Variants in CLEC2D observed in about 807,000 individuals in gnomAD.
The protein encoded by CLEC2D is C-type lectin related f.
In CLEC2D, 16 loss-of-function variants were observed where a neutral mutation model predicts 20.0. That is an observed-to-expected ratio of 0.80 (90% CI 0.54 to 1.22). The LOEUF is 1.22. CLEC2D is among the 50% of genes most tolerant of loss of function. The pLI, the probability that CLEC2D is intolerant of heterozygous loss-of-function variation, is 0.00. For missense variants in CLEC2D, 207 were observed against 221.5 expected, an observed-to-expected ratio of 0.93 and a Z score of 0.42; for synonymous variants, 77 against 71.1, an observed-to-expected ratio of 1.08 and a Z score of -0.42.
At chr12:9,693,320 A>G (rs777701407) in intron 4 of CLEC2D, 44 of 435,036 alleles carry the variant, frequency 1.0e-4, no homozygotes, top group African/African-American at 8.2e-4. Context: ...AGTGACAGCA[A>G]TTATACCTAT....
rs988847101 is a variant in CLEC2D, at chr12:9,699,336, A to G, written c.*4462A>G. Reference sequence around the variant, plus strand: ...TATTTTTTAACTTTTAATTATTCTTAATGGAAAGACACTTCTGTATACACT... The same window carrying G: ...TATTTTTTAACTTTTAATTATTCTTGATGGAAAGACACTTCTGTATACACT... On this transcript the variant is annotated 3_prime_UTR_variant, in exon 5 of 5. Coordinates refer to ENST00000290855, the MANE Select transcript of CLEC2D (RefSeq NM_013269.6). The G allele has an allele frequency of 9.9e-5, 15 of 152,144 alleles. No homozygotes were observed. The highest frequency in any genetic ancestry group is 3.4e-4 in the African/African-American group (14 of 41,400). The allele number at this position is 152,144 out of a possible 1,614,324, so 9.4% of individuals were successfully genotyped here. A position where few individuals can be genotyped will look rare whatever the true frequency, so the allele number is the denominator to read the frequency against.
At chr12:9,691,037 A>G (rs151216148) in intron 3 of CLEC2D, among the ~76,000 whole-genome samples, 397 of 152,244 alleles carry the variant, frequency 2.6e-3, no homozygotes, top group African/African-American at 9.3e-3. Flanking sequence ...CTTGCCTTAG[A>G]TATAAGGACA....
chr12:9,674,120 TC>T (rs1370567953), intron 1 of CLEC2D: 2 of 152,292 alleles, frequency 1.3e-5, no homozygotes, highest in Non-Finnish European at 2.9e-5. Flanking sequence ...TCACTGGAGT[TC>T]CAGGCACCAC....
rs1059858 is a variant in CLEC2D, at chr12:9,698,090, A to C, written c.*3216A>C. 21 of 152,300 alleles carry C rather than the reference A, an allele frequency of 1.4e-4. No individual in the cohort carries two copies. Among genetic ancestry groups the C allele is most frequent in the African/African-American group, 4.3e-4 (18 of 41,564 alleles). The allele number at this position is 152,300 out of a possible 1,614,324, so 9.4% of individuals were successfully genotyped here. ...CAGTTGCTATTTGCATTTTTAAAGG[A>C]TATTTTTATTTTTTAAATTTTTAGC... On this transcript the variant is annotated 3_prime_UTR_variant, in exon 5 of 5. Transcript: ENST00000290855.
intron 3 of CLEC2D, 59 bp downstream of exon 3, chr12:9,688,145 G>A (rs1212652558): frequency 7.8e-7 from 1 of 1,286,670 alleles, no homozygotes; most frequent in Non-Finnish European, 1.0e-6. Flanking sequence ...ATGTTTTCCT[G>A]TGAAATTATC....
At position 9,697,055 on chromosome 12, in the gene CLEC2D, AAAAT is replaced by A. The variant is rs1866013506; in HGVS notation, c.*2183_*2186del. Reference sequence around the variant, plus strand: ...TACATACATATATATATATATATAAAAAATAGAATATTATTCAGCCTTGTAAAAA... The same window carrying A: ...TACATACATATATATATATATATAAAAGAATATTATTCAGCCTTGTAAAAA... On this transcript the variant is annotated 3_prime_UTR_variant, in exon 5 of 5. Transcript: ENST00000290855. The A allele has an allele frequency of 6.8e-6, 1 of 146,230 alleles. No homozygotes were observed. Among genetic ancestry groups the A allele is most frequent in the East Asian group, 2.0e-4 (1 of 5,088 alleles). 9.1% of individuals were successfully genotyped at this position (146,230 alleles called of 1,614,324 possible). A position where few individuals can be genotyped will look rare whatever the true frequency, so the allele number is the denominator to read the frequency against.
intron 1 of CLEC2D, among the ~76,000 whole-genome samples, chr12:9,677,087 A>T (rs979151347): frequency 2.0e-5 from 3 of 151,602 alleles, no homozygotes; most frequent in African/African-American, 7.3e-5. Flanking sequence ...TGGTTTTGAT[A>T]ACTTTTTTCT....
chr12:9,688,570 T>G (rs1363765135), intron 3 of CLEC2D, among the ~76,000 whole-genome samples: 2 of 152,126 alleles, frequency 1.3e-5, no homozygotes, highest in East Asian at 3.9e-4. Context: ...AATACAAAAA[T>G]TAGCTGGGCA....
In CLEC2D at chr12:9,692,856, C is replaced by T; in HGVS notation, c.386C>T (p.Ser129Phe). The T allele has an allele frequency of 6.2e-7, 1 of 1,612,930 alleles. No individual in the cohort carries two copies. Among genetic ancestry groups the T allele is most frequent in the Non-Finnish European group, 8.5e-7 (1 of 1,179,272 alleles). Residue 129 changes from serine (S) to phenylalanine (F), a missense_variant, in exon 4 of 5, where the codon TCT becomes TTT. Physicochemically the swap from Ser to Phe is radical, Grantham distance 155. Transcript: ENST00000290855. ...LNFLLRYKGP[S>F]DHWIGLSREQ... The stretch of plus-strand genomic sequence containing the variant: ...TTCCTGTTGAGATATAAAGGCCCAT[C>T]TGATCACTGGATTGGGCTGAGCAGA...
intron 2 of CLEC2D, among the ~76,000 whole-genome samples, chr12:9,683,430 A>G (rs1156386687): frequency 6.8e-6 from 1 of 147,516 alleles, no homozygotes; most frequent in East Asian, 2.0e-4. Context: ...TGGTGTTTTA[A>G]TCATAAAACC....
At position 9,687,952 on chromosome 12, in the gene CLEC2D, T is replaced by C. The variant is rs775938557; in HGVS notation, c.223T>C (p.Cys75Arg). 5.0e-6 allele frequency: 8 copies of C among 1,611,378 alleles called. No individual in the cohort carries two copies. The African/African-American group carries it at 8.0e-5, about 16-fold the overall frequency. Residue 75 changes from cysteine to arginine, a missense_variant, in exon 3 of 5, where the codon TGC becomes CGC. Coordinates refer to ENST00000290855, the MANE Select transcript of CLEC2D (RefSeq NM_013269.6). ...QEPSVCLQAA[C>R]PESWIGFQRK... ...GCCATCAGTATGTCTTCAAGCTGCA[T>C]GCCCAGAAAGCTGGATTGGTTTTCA...
rs1394982164 is a variant in CLEC2D at position 9,697,021 on chromosome 12, T to C, written c.*2147T>C. 2 of 115,554 alleles carry C rather than the reference T, an allele frequency of 1.7e-5. No individual in the cohort carries two copies. The highest frequency in any genetic ancestry group is 3.4e-5 in the Non-Finnish European group (2 of 58,084). 7.2% of individuals were successfully genotyped at this position (115,554 alleles called of 1,614,324 possible). On this transcript the variant is annotated 3_prime_UTR_variant, in exon 5 of 5. Transcript: ENST00000290855. ...TTGTCATATATATAAAACACACACA[T>C]TATATACATACATACATATATATAT...
At chr12:9,670,889 T>C (rs1401703457) in intron 1 of CLEC2D, among the ~76,000 whole-genome samples, 2 of 152,138 alleles carry the variant, frequency 1.3e-5, no homozygotes, top group African/African-American at 4.8e-5. Context: ...CTTAGCATCT[T>C]TAGTGTGCCA....
intron 2 of CLEC2D, among the ~76,000 whole-genome samples, chr12:9,681,636 A>G (rs1865637294): frequency 6.6e-6 from 1 of 152,184 alleles, no homozygotes; most frequent in Admixed American, 6.5e-5. Context: ...AGACATAGAA[A>G]ACTACAAAAG....
In CLEC2D at chr12:9,697,453, TAATA is replaced by T. The variant is rs1389375439; in HGVS notation, c.*2584_*2587del. 2 of 152,184 alleles carry T rather than the reference TAATA, an allele frequency of 1.3e-5. No homozygotes were observed. Among genetic ancestry groups the T allele is most frequent in the Non-Finnish European group, 2.9e-5 (2 of 68,042 alleles). 9.4% of individuals were successfully genotyped at this position (152,184 alleles called of 1,614,324 possible). ...ACAATGCTAATGACTGGCTTGCTGT[TAATA>T]AATACATGGGTAAATCTCTGTTCTG... On this transcript the variant is annotated 3_prime_UTR_variant, in exon 5 of 5. Transcript: ENST00000290855.
At chr12:9,671,060 T>A (rs1865409860) in intron 1 of CLEC2D, among the ~76,000 whole-genome samples, 1 of 152,132 alleles carries the variant, frequency 6.6e-6, no homozygotes, top group Admixed American at 6.5e-5. Context: ...CAGCTAGAAA[T>A]GCGGGCCTCC....
Position 9,696,246 on chromosome 12 carries a change from C to A in CLEC2D, c.*1372C>A, listed in dbSNP as rs1865991706. ...AGTCTCTTTAAGAAAATAGTTTAAA[C>A]AATTTGTTAAAAATTTTCCATCTTA... On this transcript the variant is annotated 3_prime_UTR_variant, in exon 5 of 5. Transcript: ENST00000290855. 6 of 803,532 alleles carry A rather than the reference C, an allele frequency of 7.5e-6. No homozygotes were observed. Among genetic ancestry groups the A allele is most frequent in the East Asian group, 4.9e-5 (2 of 40,898 alleles). 49.8% of individuals were successfully genotyped at this position (803,532 alleles called of 1,614,324 possible). A position where few individuals can be genotyped will look rare whatever the true frequency, so the allele number is the denominator to read the frequency against.
chr12:9,680,224 C>G (rs1029367978), intron 1 of CLEC2D: 1 of 348,880 alleles, frequency 2.9e-6, no homozygotes. Context: ...TGAAGAAGAA[C>G]ACGTTTGCTT....
chr12:9,688,472 C>T (rs1020693635), intron 3 of CLEC2D, among the ~76,000 whole-genome samples: 1 of 152,192 alleles, frequency 6.6e-6, no homozygotes, highest in African/African-American at 2.4e-5. Flanking sequence ...AATCCCAGCA[C>T]TTTGGGAGGC....
Sources: gnomAD v4.1 joint callset for allele counts (sites outside exome capture counted in the v4.1 genomes callset) on GRCh38, gnomAD v4.1.1 for gene constraint, MANE v1.5 for transcripts, NCBI Gene and HGNC (gene_info 2026-07-23, HGNC 2026-07-21) for gene names.